Variants in ATXN1 observed in about 807,000 individuals in gnomAD.
ATXN1 encodes ataxin 1, also known as ataxin-1.
ATXN1 carries 8 observed loss-of-function variants against 56.4 expected under a neutral mutation model. The observed-to-expected ratio is 0.14, with a 90% CI of 0.08 to 0.26. The LOEUF (loss-of-function observed/expected upper bound fraction) is 0.26, where lower values mean the gene tolerates loss of function less well. ATXN1 is among the 10% of genes least tolerant of loss of function. The pLI, the probability that ATXN1 is intolerant of heterozygous loss-of-function variation, is 1.00. For synonymous variants in ATXN1, 514 were observed against 494.6 expected (o/e 1.04, Z -0.52); for missense variants, 987 against 1,106.5 (o/e 0.89, Z 1.53).
intron 7 of ATXN1, among the ~76,000 whole-genome samples, chr6:16,323,961 A>T (rs1242291258): frequency 6.6e-6 from 1 of 151,966 alleles, no homozygotes; most frequent in African/African-American, 2.4e-5. Flanking sequence ...ATCTTTGGGG[A>T]AATCTTTCTT....
chr6:16,554,868 A>G (rs1581841373), intron 4 of ATXN1, among the ~76,000 whole-genome samples: 2 of 152,168 alleles, frequency 1.3e-5, no homozygotes, highest in African/African-American at 4.8e-5. Context: ...TGAGATTACA[A>G]GCATGAGCCA....
chr6:16,502,381 T>A (rs548703776), intron 5 of ATXN1, among the ~76,000 whole-genome samples: 6 of 152,316 alleles, frequency 3.9e-5, no homozygotes, highest in Non-Finnish European at 8.8e-5. Context: ...GTGCAGAAAT[T>A]GTGTTCAAAT....
chr6:16,450,548 C>G (rs188889393), intron 6 of ATXN1, among the ~76,000 whole-genome samples: 271 of 152,324 alleles, frequency 1.8e-3, no homozygotes, highest in African/African-American at 6.2e-3. Context: ...TCAAAGCCAG[C>G]ACGTTTATTA....
At chr6:16,460,903 C>T (rs1243938961) in intron 6 of ATXN1, among the ~76,000 whole-genome samples, 1 of 152,222 alleles carries the variant, frequency 6.6e-6, no homozygotes, top group Non-Finnish European at 1.5e-5. Flanking sequence ...AATGTGTATA[C>T]AGATAGCAAG....
intron 6 of ATXN1, among the ~76,000 whole-genome samples, chr6:16,387,931 T>C (rs1758274428): frequency 6.6e-6 from 1 of 152,190 alleles, no homozygotes; most frequent in Non-Finnish European, 1.5e-5. Flanking sequence ...GGATACTTTT[T>C]AAAACTCCCA....
At chr6:16,604,200 A>G (rs1280117089) in intron 3 of ATXN1, among the ~76,000 whole-genome samples, 2 of 152,042 alleles carry the variant, frequency 1.3e-5, no homozygotes, top group Non-Finnish European at 2.9e-5. Flanking sequence ...CAAAGAGATA[A>G]AGAGGAACAG....
rs1554148809 is a variant in ATXN1 at position 16,454,148 on chromosome 6, A to AAAC, written c.-161+31823_-161+31824insGTT. On this transcript the variant is annotated intron_variant, in intron 6 of 7. Transcript: ENST00000436367. ...CTCAAAAAAAAAAAAAAAAAAAAAA[A>AAAC]AAAAAACAGAAGAATTAGATCGATA... Among the ~76,000 whole-genome samples, 198 of 131,830 alleles carry AAAC rather than the reference A, an allele frequency of 1.5e-3. 2 individuals are homozygous for AAAC. Among genetic ancestry groups the AAAC allele is most frequent in the African/African-American group, 4.5e-3 (171 of 37,966 alleles). 86.5% of individuals were successfully genotyped at this position (131,830 alleles called of 152,430 possible).
chr6:16,681,082 G>A (rs894705732), intron 2 of ATXN1, among the ~76,000 whole-genome samples: 7 of 152,186 alleles, frequency 4.6e-5, no homozygotes, highest in South Asian at 2.1e-4. Context: ...CCAAAGGAAG[G>A]GAGACATGAT....
At chr6:16,441,434 C>T (rs189678448) in intron 6 of ATXN1, among the ~76,000 whole-genome samples, 16 of 152,030 alleles carry the variant, frequency 1.1e-4, no homozygotes, top group Admixed American at 2.0e-4. Flanking sequence ...AAACTCATTC[C>T]ACTTAAAAAT....
chr6:16,541,965 A>G (rs983966968), intron 4 of ATXN1, among the ~76,000 whole-genome samples: 1 of 152,148 alleles, frequency 6.6e-6, no homozygotes, highest in African/African-American at 2.4e-5. Context: ...GGTGATGTCA[A>G]ATGATGCAAG....
intron 6 of ATXN1, among the ~76,000 whole-genome samples, chr6:16,443,296 G>C (rs1003260293): frequency 2.7e-5 from 4 of 148,552 alleles, no homozygotes; most frequent in African/African-American, 9.9e-5. Context: ...ATGGTAAAAA[G>C]GAGAAAATAA....
chr6:16,435,055 G>C (rs544147106), intron 6 of ATXN1, among the ~76,000 whole-genome samples: 4 of 152,274 alleles, frequency 2.6e-5, no homozygotes, highest in East Asian at 3.9e-4. Flanking sequence ...TAGATGCAGA[G>C]GAAGAGGGAC....
chr6:16,419,083 G>A (rs867543862), intron 6 of ATXN1, among the ~76,000 whole-genome samples: 3 of 152,018 alleles, frequency 2.0e-5, no homozygotes, highest in African/African-American at 7.2e-5. Flanking sequence ...GGTAATGATG[G>A]TACATATGTC....
chr6:16,740,171 C>A (rs773352642), intron 2 of ATXN1, among the ~76,000 whole-genome samples: 1 of 152,184 alleles, frequency 6.6e-6, no homozygotes, highest in East Asian at 1.9e-4. Flanking sequence ...CAGCAAACTA[C>A]TTCTGCAAAG....
chr6:16,634,357 C>T (rs1763556666), intron 3 of ATXN1, among the ~76,000 whole-genome samples: 1 of 152,166 alleles, frequency 6.6e-6, no homozygotes, highest in South Asian at 2.1e-4. Flanking sequence ...GTTTTCTCAT[C>T]TGTAGGAGGA....
intron 2 of ATXN1, among the ~76,000 whole-genome samples, chr6:16,702,430 G>A (rs1028654435): frequency 4.6e-5 from 7 of 152,142 alleles, no homozygotes; most frequent in Non-Finnish European, 8.8e-5. Context: ...CATGGGCAAC[G>A]ACTTCATGTC....
chr6:16,639,217 C>G (rs1258364558), intron 3 of ATXN1, among the ~76,000 whole-genome samples: 1 of 152,186 alleles, frequency 6.6e-6, no homozygotes, highest in Non-Finnish European at 1.5e-5. Flanking sequence ...CCCTTCCACG[C>G]TGTGGAAGGT....
At chr6:16,727,160 A>G (rs1283162918) in intron 2 of ATXN1, among the ~76,000 whole-genome samples, 2 of 152,194 alleles carry the variant, frequency 1.3e-5, no homozygotes, top group East Asian at 1.9e-4. Flanking sequence ...CCTCTAGTAA[A>G]TTATGTTAAT....
intron 2 of ATXN1, among the ~76,000 whole-genome samples, chr6:16,709,836 T>C (rs1489882186): frequency 6.6e-6 from 1 of 152,098 alleles, no homozygotes; most frequent in Admixed American, 6.5e-5. Flanking sequence ...AGCCAAAATA[T>C]CCAGCAATAG....
Sources: allele counts gnomAD v4.1 joint callset (sites outside exome capture counted in the v4.1 genomes callset), GRCh38; gene constraint gnomAD v4.1.1; transcripts MANE v1.5; gene names NCBI Gene and HGNC (gene_info 2026-07-23, HGNC 2026-07-21).